Variants in CUEDC1 observed in about 807,000 individuals in gnomAD.
The protein encoded by CUEDC1 is CUE domain containing 1.
In CUEDC1, 30 loss-of-function variants were observed where a neutral mutation model predicts 43.7. The observed-to-expected ratio is 0.69, with a 90% confidence interval of 0.51 to 0.93. CUEDC1 has a LOEUF of 0.93. CUEDC1 is among the 40% of genes least tolerant of loss of function. The pLI, the probability that CUEDC1 is intolerant of heterozygous loss-of-function variation, is 0.00. For missense variants in CUEDC1, 486 were observed against 549.0 expected (o/e 0.89, Z 1.15); for synonymous variants, 223 against 223.6 (o/e 1.00, Z 0.02).
At chr17:57,908,117 C>T (rs1054730359) in intron 1 of CUEDC1, among the ~76,000 whole-genome samples, 12 of 152,018 alleles carry the variant, frequency 7.9e-5, no homozygotes, top group African/African-American at 2.9e-4. Context: ...AGTGCAGTGG[C>T]ATGATCTCGG....
At chr17:57,884,993 G>A (rs916240248) in intron 2 of CUEDC1, among the ~76,000 whole-genome samples, 1 of 152,220 alleles carries the variant, frequency 6.6e-6, no homozygotes, top group African/African-American at 2.4e-5. Context: ...CACTGAGTGG[G>A]CGCTCAGTGT....
rs530166703 is a variant in CUEDC1, at chr17:57,875,024, G to A, written c.465-1307C>T. Among the ~76,000 whole-genome samples the A allele has an allele frequency of 2.2e-4, 34 of 152,248 alleles. 1 individual carries two copies. In the South Asian group the frequency reaches 6.6e-3, roughly 30 times the overall value. The stretch of plus-strand genomic sequence containing the variant: ...AGGGGGAGAGGGAATGGTCTGGAGA[G>A]CAGCTTGCATCACAACCCGGGACTC... On this transcript the variant is annotated intron_variant, in intron 3 of 10. Coordinates refer to ENST00000577830, the MANE Select transcript of CUEDC1 (RefSeq NM_001271875.2).
At position 57,905,577 on chromosome 17, in the gene CUEDC1, G is replaced by A. The variant is rs1184301018; in HGVS notation, c.-315-19698C>T. 3.3e-5 allele frequency among the ~76,000 whole-genome samples: 5 copies of A among 152,146 alleles called. 1 individual carries two copies. The highest frequency in any genetic ancestry group is 7.3e-5 in the Non-Finnish European group (5 of 68,034). On this transcript the variant is annotated intron_variant, in intron 1 of 10. Transcript: ENST00000577830. ...GATCTGGTGAAACACAGGCCCACGCGTGCAAAGCCGTAAATGCAGAGCTAA... is the reference window on the plus strand; with the variant it reads ...GATCTGGTGAAACACAGGCCCACGCATGCAAAGCCGTAAATGCAGAGCTAA...
At chr17:57,872,009 C>T (rs911861571) in intron 5 of CUEDC1, among the ~76,000 whole-genome samples, 4 of 152,240 alleles carry the variant, frequency 2.6e-5, no homozygotes, top group African/African-American at 7.2e-5. Flanking sequence ...CTCAGCCCAG[C>T]CTTCTCCCTC....
At chr17:57,872,594 G>GCCCCAAAACTGAGC in intron 5 of CUEDC1, 69 bp downstream of exon 5, 1 of 1,564,164 alleles carries the variant, frequency 6.4e-7, no homozygotes, top group East Asian at 2.3e-5. Flanking sequence ...GTTTTCCTGA[G>GCCCCAAAACTGAGC]CCCCAAGGCT....
At chr17:57,913,189 G>A (rs925605592) in intron 1 of CUEDC1, among the ~76,000 whole-genome samples, 8 of 152,096 alleles carry the variant, frequency 5.3e-5, no homozygotes, top group South Asian at 4.2e-4. Flanking sequence ...TTAGCTGGGC[G>A]TGGTGGCAGG....
intron 1 of CUEDC1, among the ~76,000 whole-genome samples, chr17:57,944,969 G>T (rs2143224717): frequency 6.6e-6 from 1 of 152,276 alleles, no homozygotes; most frequent in South Asian, 2.1e-4. Flanking sequence ...ACCATGCAAG[G>T]CCAGGGGTCA....
intron 1 of CUEDC1, among the ~76,000 whole-genome samples, chr17:57,894,151 C>G (rs182450035): frequency 2.6e-5 from 4 of 152,290 alleles, no homozygotes; most frequent in Non-Finnish European, 5.9e-5. Context: ...AACCTCTTTG[C>G]CAGGAAGAAG....
chr17:57,871,196 C>T (rs2074029970), intron 6 of CUEDC1, 90 bp downstream of exon 6: 1 of 1,053,322 alleles, frequency 9.5e-7, no homozygotes, highest in Non-Finnish European at 1.5e-6. Context: ...GTTTTTTCAC[C>T]CTCCTCTCAA....
chr17:57,887,782 G>C (rs1229673839), intron 1 of CUEDC1, among the ~76,000 whole-genome samples: 1 of 150,264 alleles, frequency 6.7e-6, no homozygotes, highest in Non-Finnish European at 1.5e-5. Context: ...TGGGATTACA[G>C]GCATGAGCTT....
intron 3 of CUEDC1, 117 bp from the exon 4 acceptor site, chr17:57,873,834 T>A: frequency 9.5e-7 from 1 of 1,053,154 alleles, no homozygotes; most frequent in Non-Finnish European, 1.3e-6. Context: ...TCCCATGGCC[T>A]CCACTGCCTC....
intron 1 of CUEDC1, among the ~76,000 whole-genome samples, chr17:57,936,881 C>T (rs1367410128): frequency 6.7e-6 from 1 of 149,118 alleles, no homozygotes; most frequent in African/African-American, 2.5e-5. Context: ...AGTACAGTGG[C>T]GTGATCTCGG....
In CUEDC1 at chr17:57,879,757, A is replaced by G; in HGVS notation, c.337-19T>C. On this transcript the variant is annotated intron_variant, in intron 2 of 10. Transcript: ENST00000577830. Reference sequence around the variant, plus strand: ...CCAAGATCTAAATCAGAGGCAACAGAGAAAGAAATATTAATCATCCCTCCT... The same window carrying G: ...CCAAGATCTAAATCAGAGGCAACAGGGAAAGAAATATTAATCATCCCTCCT... 2 of 1,588,502 alleles carry G rather than the reference A, an allele frequency of 1.3e-6. No homozygotes were observed. The highest frequency in any genetic ancestry group is 1.7e-6 in the Non-Finnish European group (2 of 1,171,006).
intron 5 of CUEDC1, among the ~76,000 whole-genome samples, chr17:57,871,607 A>G (rs1872666454): frequency 6.6e-6 from 1 of 152,222 alleles, no homozygotes; most frequent in African/African-American, 2.4e-5. Context: ...GAGAGACTGT[A>G]GAGTCCAAAC....
intron 1 of CUEDC1, among the ~76,000 whole-genome samples, chr17:57,901,100 C>T (rs2074466923): frequency 6.6e-6 from 1 of 152,240 alleles, no homozygotes; most frequent in African/African-American, 2.4e-5. Context: ...CACTCTCTTG[C>T]AAGGTGATGC....
At chr17:57,906,168 T>A (rs1182463868) in intron 1 of CUEDC1, among the ~76,000 whole-genome samples, 1 of 152,242 alleles carries the variant, frequency 6.6e-6, no homozygotes, top group Non-Finnish European at 1.5e-5. Flanking sequence ...CATAGTGGTG[T>A]TATTCACAAT....
At chr17:57,923,110 G>A (rs368631794) in intron 1 of CUEDC1, among the ~76,000 whole-genome samples, 1 of 152,174 alleles carries the variant, frequency 6.6e-6, no homozygotes, top group Non-Finnish European at 1.5e-5. Context: ...ACAGGCATGA[G>A]CCTCTGCATC....
chr17:57,934,818 A>C (rs573056088), intron 1 of CUEDC1, among the ~76,000 whole-genome samples: 20 of 151,960 alleles, frequency 1.3e-4, no homozygotes, highest in Non-Finnish European at 2.2e-4. Flanking sequence ...AACAATTCTC[A>C]TGCCTCAGCC....
At chr17:57,912,172 A>T (rs373087782) in intron 1 of CUEDC1, among the ~76,000 whole-genome samples, 1 of 152,136 alleles carries the variant, frequency 6.6e-6, no homozygotes, top group Non-Finnish European at 1.5e-5. Context: ...CCTTGGCCCC[A>T]GTTGCAGGTG....
Sources: allele counts gnomAD v4.1 joint callset (sites outside exome capture counted in the v4.1 genomes callset), GRCh38; gene constraint gnomAD v4.1.1; transcripts MANE v1.5; gene names NCBI Gene and HGNC (gene_info 2026-07-23, HGNC 2026-07-21).